The following LIFR variants were observed in gnomAD, a reference collection of about 807,000 sequenced individuals.
LIFR encodes LIF receptor subunit alpha.
Under a neutral mutation model 122.2 loss-of-function variants are expected in LIFR, and 84 were observed. The ratio of observed to expected loss-of-function variants is 0.69; its 90% CI spans 0.58 to 0.82. LIFR has a LOEUF of 0.82. Ranked by LOEUF, LIFR falls within the 40% of genes least tolerant of loss-of-function variation. The pLI, the probability that LIFR is intolerant of heterozygous loss-of-function variation, is 0.00. For synonymous variants in LIFR, 422 were observed against 434.7 expected (o/e 0.97, Z 0.36); for missense variants, 1,294 against 1,311.6 (o/e 0.99, Z 0.21).
chr5:38,592,940 C>T (rs375525203), intron 1 of LIFR, among the ~76,000 whole-genome samples: 20 of 152,204 alleles, frequency 1.3e-4, no homozygotes, highest in African/African-American at 4.8e-4. Flanking sequence ...CGTGGTGGCT[C>T]ACGCCTGTAA....
intron 1 of LIFR, among the ~76,000 whole-genome samples, chr5:38,581,296 C>T (rs2112740628): frequency 2.0e-5 from 3 of 152,244 alleles, no homozygotes; most frequent in Admixed American, 2.0e-4. Context: ...ACTCAACTTT[C>T]CTAGCAGGAC....
upstream of LIFR, among the ~76,000 whole-genome samples, chr5:38,596,207 T>C (rs1366272361): frequency 2.6e-5 from 4 of 152,186 alleles, no homozygotes; most frequent in Non-Finnish European, 5.9e-5. Flanking sequence ...CGAAGCTTGA[T>C]TCATGGACCA....
At chr5:38,521,077 G>A (rs1352181936) in intron 5 of LIFR, among the ~76,000 whole-genome samples, 2 of 152,138 alleles carry the variant, frequency 1.3e-5, no homozygotes, top group Non-Finnish European at 1.5e-5. Flanking sequence ...CTGTAAGCAT[G>A]GAATGTCTTT....
chr5:38,530,188 C>T (rs767680855), intron 2 of LIFR, among the ~76,000 whole-genome samples: 7 of 152,222 alleles, frequency 4.6e-5, no homozygotes, highest in Non-Finnish European at 8.8e-5. Flanking sequence ...TTTGCAGTGC[C>T]GGGGCTGTTC....
chr5:38,607,513 A>ACTCTCT (rs60564000), intron 1 of LIFR: 9 of 147,778 alleles, frequency 6.1e-5, no homozygotes, highest in African/African-American at 2.2e-4. Context: ...TCTCATATGC[A>ACTCTCT]CTCTCTCTCT....
intron 2 of LIFR, among the ~76,000 whole-genome samples, chr5:38,601,589 AT>A (rs35248789): frequency 0.16 from 24,063 of 152,126 alleles, 2,115 homozygotes; most frequent in Admixed American, 0.21. Flanking sequence ...ATCTGTACTG[AT>A]TTCCAGACCA....
At chr5:38,532,539 A>T (rs971684388) in intron 1 of LIFR, among the ~76,000 whole-genome samples, 56 of 152,304 alleles carry the variant, frequency 3.7e-4, no homozygotes, top group African/African-American at 1.3e-3. Flanking sequence ...TCTGCTGAGG[A>T]GGTCAGTAAG....
intron 9 of LIFR, among the ~76,000 whole-genome samples, chr5:38,505,637 TAA>T (rs1023645966): frequency 2.0e-5 from 3 of 152,066 alleles, no homozygotes; most frequent in African/African-American, 4.8e-5. Flanking sequence ...TACTTCAAAA[TAA>T]AAGTTTTTAA....
chr5:38,560,463 T>G (rs956365330), upstream of LIFR, among the ~76,000 whole-genome samples: 6 of 152,228 alleles, frequency 3.9e-5, no homozygotes, highest in Admixed American at 3.3e-4. Context: ...AAATAGTATC[T>G]GCTCAAAATT....
intron 2 of LIFR, among the ~76,000 whole-genome samples, chr5:38,602,083 C>A (rs192319237): frequency 2.0e-5 from 3 of 152,306 alleles, no homozygotes; most frequent in Non-Finnish European, 4.4e-5. Flanking sequence ...GGCTCTTTAT[C>A]ATTTTTCACC....
At chr5:38,500,679 C>T (rs919858666) in intron 11 of LIFR, among the ~76,000 whole-genome samples, 4 of 152,110 alleles carry the variant, frequency 2.6e-5, no homozygotes, top group African/African-American at 9.7e-5. Context: ...TAAATTGATG[C>T]CTTCATCTTA....
At position 38,518,219 on chromosome 5, in the gene LIFR, T is replaced by C. The variant is rs541150813; in HGVS notation, c.561+5200A>G. Among the ~76,000 whole-genome samples the C allele has an allele frequency of 4.9e-4, 74 of 152,096 alleles. 1 individual carries two copies. Among genetic ancestry groups the C allele is most frequent in the African/African-American group, 1.8e-3 (73 of 41,522 alleles). On this transcript the variant is annotated intron_variant, in intron 5 of 19. Transcript: ENST00000453190. ...GTGAGAAGGGGAGGACATTTTAAATTAAAATATATATATTTCTTATAAAAT... is the reference window on the plus strand; with the variant it reads ...GTGAGAAGGGGAGGACATTTTAAATCAAAATATATATATTTCTTATAAAAT...
intron 1 of LIFR, among the ~76,000 whole-genome samples, chr5:38,570,105 CAGTT>C (rs1160359098): frequency 2.6e-5 from 4 of 151,826 alleles, no homozygotes; most frequent in African/African-American, 7.2e-5. Flanking sequence ...AGGTCCATAA[CAGTT>C]AGATAATTAA....
intron 2 of LIFR, 91 bp from the exon 3 acceptor site, chr5:38,528,931 C>T: frequency 1.2e-6 from 1 of 808,930 alleles, no homozygotes; most frequent in African/African-American, 1.7e-5. Context: ...TCTAAAAAGT[C>T]AACCATTTTC....
intron 1 of LIFR, among the ~76,000 whole-genome samples, chr5:38,586,752 A>G (rs906927070): frequency 5.3e-5 from 8 of 152,116 alleles, no homozygotes; most frequent in Non-Finnish European, 1.2e-4. Context: ...TACTAGATCC[A>G]TCACATCAAA....
At chr5:38,549,564 A>G (rs1208381363) in intron 1 of LIFR, among the ~76,000 whole-genome samples, 3 of 152,172 alleles carry the variant, frequency 2.0e-5, no homozygotes, top group South Asian at 2.1e-4. Context: ...AGGCCGAGGC[A>G]GGCGGATCAC....
intron 1 of LIFR, among the ~76,000 whole-genome samples, chr5:38,589,919 C>G (rs1390473211): frequency 6.6e-6 from 1 of 152,154 alleles, no homozygotes; most frequent in Non-Finnish European, 1.5e-5. Flanking sequence ...TGTTTAGAAA[C>G]TCTCTTATCT....
intron 5 of LIFR, among the ~76,000 whole-genome samples, chr5:38,513,919 A>G (rs1202523248): frequency 6.6e-6 from 1 of 152,152 alleles, no homozygotes; most frequent in Non-Finnish European, 1.5e-5. Flanking sequence ...AGAAAAGAAA[A>G]AGAAAAAATG....
chr5:38,603,137 C>T (rs1418854898), intron 2 of LIFR, among the ~76,000 whole-genome samples: 2 of 152,148 alleles, frequency 1.3e-5, no homozygotes, highest in East Asian at 1.9e-4. Flanking sequence ...CAAGGTTAAA[C>T]ACTGCACTTG....
Sources: gnomAD v4.1 joint callset for allele counts (sites outside exome capture counted in the v4.1 genomes callset) on GRCh38, gnomAD v4.1.1 for gene constraint, MANE v1.5 for transcripts, NCBI Gene and HGNC (gene_info 2026-07-23, HGNC 2026-07-21) for gene names.